Variants in FBXO8 observed in about 807,000 individuals in gnomAD.
FBXO8 encodes F-box only protein 8.
A neutral mutation model predicts 33.4 loss-of-function variants in FBXO8; 15 were observed. The observed-to-expected ratio is 0.45, with a 90% CI of 0.30 to 0.69. The LOEUF (loss-of-function observed/expected upper bound fraction) is 0.69. FBXO8 is among the 30% of genes least tolerant of loss of function. The pLI is 0.08. For synonymous variants in FBXO8, 132 were observed against 131.5 expected (o/e 1.00, Z -0.02); for missense variants, 274 against 380.3 (o/e 0.72, Z 2.32).
At position 174,278,097 on chromosome 4, in the gene FBXO8, A is replaced by G. The variant is rs1298112782; in HGVS notation, c.-9+5313T>C. Among the ~76,000 whole-genome samples, 1 of 152,128 alleles carries G rather than the reference A, an allele frequency of 6.6e-6. No individual in the cohort carries two copies. Among genetic ancestry groups the G allele is most frequent in the Non-Finnish European group, 1.5e-5 (1 of 67,974 alleles). On this transcript the variant is annotated intron_variant, in intron 1 of 5. Coordinates refer to ENST00000393674, the MANE Select transcript of FBXO8 (RefSeq NM_012180.3). This position sits in a 1 kb window ranked among gnomAD's most constrained non-coding sequence, Gnocchi z 4.1. ...GTAGAGAAATTTTTTAAAAAAGAAA[A>G]AAACCCTGATAACCAATCACATCCC... is the stretch of plus-strand genomic sequence containing the variant.
intron 5 of FBXO8, among the ~76,000 whole-genome samples, chr4:174,238,129 A>T (rs1283798447): frequency 6.6e-6 from 1 of 152,048 alleles, no homozygotes; most frequent in African/African-American, 2.4e-5. Context: ...AACTCAAAAG[A>T]TTATTAATAT....
rs551573068 is a variant in FBXO8 at position 174,265,878 on chromosome 4, A to C, written c.-8-2778T>G. Among the ~76,000 whole-genome samples the C allele has an allele frequency of 3.3e-5, 5 of 152,206 alleles. No individual in the cohort carries two copies. Among genetic ancestry groups the C allele is most frequent in the Non-Finnish European group, 7.3e-5 (5 of 68,036 alleles). ...TTCCTCTATTTAACTTAGCAAGAAA[A>C]TATCTAGAAATCACATTAATTGCTG... On this transcript the variant is annotated intron_variant, in intron 1 of 5. Transcript: ENST00000393674. The surrounding 1 kb of genome is among the most constrained non-coding windows in gnomAD (Gnocchi z 4.7).
chr4:174,250,200 T>C (rs1424071209), intron 3 of FBXO8, among the ~76,000 whole-genome samples: 3 of 151,978 alleles, frequency 2.0e-5, no homozygotes, highest in African/African-American at 7.2e-5. Flanking sequence ...AATAACTTGC[T>C]CAGAGCCAAC....
In FBXO8 at chr4:174,272,444, T is replaced by A. The variant is rs1175492649; in HGVS notation, c.-8-9344A>T. ...TATTGTTGTACTGTTACTTTCTATTTTTTTCCAAATAGTTTCAATTGTGGT... is the reference window on the plus strand; with the variant it reads ...TATTGTTGTACTGTTACTTTCTATTATTTTCCAAATAGTTTCAATTGTGGT... On this transcript the variant is annotated intron_variant, in intron 1 of 5. Coordinates refer to ENST00000393674, the MANE Select transcript of FBXO8 (RefSeq NM_012180.3). This position sits in a 1 kb window ranked among gnomAD's most constrained non-coding sequence, Gnocchi z 4.7. 6.6e-6 allele frequency among the ~76,000 whole-genome samples: 1 copy of A among 152,218 alleles called. No individual in the cohort carries two copies. Among genetic ancestry groups the A allele is most frequent in the African/African-American group, 2.4e-5 (1 of 41,448 alleles).
rs150561690 is a variant in FBXO8, at chr4:174,252,893, C to T, written c.456+6806G>A. Among the ~76,000 whole-genome samples the T allele has an allele frequency of 2.8e-4, 42 of 152,196 alleles. 1 individual carries two copies. Among genetic ancestry groups the T allele is most frequent in the African/African-American group, 9.4e-4 (39 of 41,518 alleles). Reference sequence around the variant, plus strand: ...GGCTGAGGCACAAGAATTACCTGAGCCCGGGAGGTGGTGATTGCAGTGAGC... The same window carrying T: ...GGCTGAGGCACAAGAATTACCTGAGTCCGGGAGGTGGTGATTGCAGTGAGC... On this transcript the variant is annotated intron_variant, in intron 3 of 5. Transcript: ENST00000393674. This position sits in a 1 kb window ranked among gnomAD's most constrained non-coding sequence, Gnocchi z 5.1.
In FBXO8 at chr4:174,245,603, T is replaced by A. The variant is rs1448372245; in HGVS notation, c.457-4385A>T. On this transcript the variant is annotated intron_variant, in intron 3 of 5. Transcript: ENST00000393674. This position sits in a 1 kb window ranked among gnomAD's most constrained non-coding sequence, Gnocchi z 4.6. ...GTTTATTCTCTATCCTAAATCTAAC[T>A]GGAAGCCTCTGAAGGCTTTTAAACC... 6.6e-6 allele frequency among the ~76,000 whole-genome samples: 1 copy of A among 151,896 alleles called. No individual in the cohort carries two copies. Among genetic ancestry groups the A allele is most frequent in the African/African-American group, 2.4e-5 (1 of 41,398 alleles).
At position 174,245,747 on chromosome 4, in the gene FBXO8, T is replaced by C. The variant is rs1171315394; in HGVS notation, c.457-4529A>G. ...CACTTAAAAAATAAAAATAAATAGA[T>C]AGCGGGCTATACAACTGTATATGTT... On this transcript the variant is annotated intron_variant, in intron 3 of 5. Coordinates refer to ENST00000393674, the MANE Select transcript of FBXO8 (RefSeq NM_012180.3). This position sits in a 1 kb window ranked among gnomAD's most constrained non-coding sequence, Gnocchi z 4.6. 1.3e-5 allele frequency among the ~76,000 whole-genome samples: 2 copies of C among 151,740 alleles called. No individual in the cohort carries two copies. The highest frequency in any genetic ancestry group is 6.6e-5 in the Admixed American group (1 of 15,190).
At position 174,239,200 on chromosome 4, in the gene FBXO8, G is replaced by GA; in HGVS notation, c.576-11dup. Reference sequence around the variant, plus strand: ...ATCCAAGACATCTCTCCTACAGAAAGAAAAAAAGGCACAGCTTTGGTTAAC... The same window carrying GA: ...ATCCAAGACATCTCTCCTACAGAAAGAAAAAAAAGGCACAGCTTTGGTTAAC... On this transcript the variant is annotated splice_polypyrimidine_tract_variant and intron_variant, in intron 4 of 5. Transcript: ENST00000393674. 3.4e-6 allele frequency: 5 copies of GA among 1,478,862 alleles called. No homozygotes were observed. In the South Asian group the frequency reaches 4.3e-5, roughly 13 times the overall value. The allele number at this position is 1,478,862 out of a possible 1,614,324, so 91.6% of individuals were successfully genotyped here. A position where few individuals can be genotyped will look rare whatever the true frequency, so the allele number is the denominator to read the frequency against.
rs1736810259 is a variant in FBXO8, at chr4:174,270,390, T to A, written c.-8-7290A>T. Among the ~76,000 whole-genome samples, 1 of 152,124 alleles carries A rather than the reference T, an allele frequency of 6.6e-6. No homozygotes were observed. The highest frequency in any genetic ancestry group is 1.9e-4 in the East Asian group (1 of 5,196). On this transcript the variant is annotated intron_variant, in intron 1 of 5. Transcript: ENST00000393674. This position sits in a 1 kb window ranked among gnomAD's most constrained non-coding sequence, Gnocchi z 4.6. ...AGAGGTATTTATCTAGAAGACTGCATAAAGTTTCCTACTTAGCTAAAGGTC... is the reference window on the plus strand; with the variant it reads ...AGAGGTATTTATCTAGAAGACTGCAAAAAGTTTCCTACTTAGCTAAAGGTC...
At chr4:174,238,741 C>T (rs1560863844) in intron 5 of FBXO8, among the ~76,000 whole-genome samples, 1 of 141,140 alleles carries the variant, frequency 7.1e-6, no homozygotes, top group Non-Finnish European at 1.5e-5. Context: ...ATATAAATGG[C>T]TATATATACA....
At chr4:174,238,302 T>C (rs1027942849) in intron 5 of FBXO8, among the ~76,000 whole-genome samples, 3 of 151,948 alleles carry the variant, frequency 2.0e-5, no homozygotes, top group Non-Finnish European at 4.4e-5. Flanking sequence ...ATCGTCATAA[T>C]AGTTCTACTA....
In FBXO8 at chr4:174,263,087, ACCC is replaced by A. The variant is rs1736611451; in HGVS notation, c.3_5del (p.MetGly1_?2). ...TTCTGACCACTCTCCACAACCCTTGACCCATCTGCAAGCCTGGGAAAAAGCCAG... is the reference window on the plus strand; with the variant it reads ...TTCTGACCACTCTCCACAACCCTTGAATCTGCAAGCCTGGGAAAAAGCCAG... On this transcript the variant is annotated start_lost and inframe_deletion, in exon 2 of 6. Coordinates refer to ENST00000393674, the MANE Select transcript of FBXO8 (RefSeq NM_012180.3). The surrounding 1 kb of genome is among the most constrained non-coding windows in gnomAD (Gnocchi z 4.2). 1 of 1,611,202 alleles carries A rather than the reference ACCC, an allele frequency of 6.2e-7. No homozygotes were observed. Among genetic ancestry groups the A allele is most frequent in the Non-Finnish European group, 8.5e-7 (1 of 1,177,900 alleles).
intron 3 of FBXO8, among the ~76,000 whole-genome samples, chr4:174,248,482 A>G (rs1736210683): frequency 6.6e-6 from 1 of 152,036 alleles, no homozygotes; most frequent in South Asian, 2.1e-4. Context: ...AGAAATGTAA[A>G]GATAGTTTTG....
At chr4:174,271,234 G>A (rs1361577777) in intron 1 of FBXO8, among the ~76,000 whole-genome samples, 3 of 152,200 alleles carry the variant, frequency 2.0e-5, no homozygotes, top group Admixed American at 2.0e-4. Context: ...ATGAAGCCAT[G>A]TAGAGAAAGA....
chr4:174,244,676 A>C (rs1196609804), intron 3 of FBXO8, among the ~76,000 whole-genome samples: 2 of 151,686 alleles, frequency 1.3e-5, no homozygotes, highest in Non-Finnish European at 3.0e-5. Context: ...ATCATGATTA[A>C]TCTCAGATAC....
At chr4:174,269,892 C>T (rs563187722) in intron 1 of FBXO8, among the ~76,000 whole-genome samples, 36 of 152,260 alleles carry the variant, frequency 2.4e-4, no homozygotes, top group African/African-American at 8.4e-4. Context: ...TGAAATTATG[C>T]AAATATAACT....
At chr4:174,279,481 T>G (rs1017642502) in intron 1 of FBXO8, among the ~76,000 whole-genome samples, 15 of 152,106 alleles carry the variant, frequency 9.9e-5, no homozygotes, top group Admixed American at 9.8e-4. Flanking sequence ...ATAATGACGT[T>G]TTTTGCATTA....
intron 1 of FBXO8, among the ~76,000 whole-genome samples, chr4:174,268,739 G>T (rs963568208): frequency 6.6e-6 from 1 of 151,984 alleles, no homozygotes; most frequent in African/African-American, 2.4e-5. Context: ...CCCGGCCGGG[G>T]GCCGTTTTAA....
In FBXO8 at chr4:174,251,153, T is replaced by C. The variant is rs1736276807; in HGVS notation, c.456+8546A>G. 6.6e-6 allele frequency among the ~76,000 whole-genome samples: 1 copy of C among 152,168 alleles called. No homozygotes were observed. On this transcript the variant is annotated intron_variant, in intron 3 of 5. Coordinates refer to ENST00000393674, the MANE Select transcript of FBXO8 (RefSeq NM_012180.3). This position sits in a 1 kb window ranked among gnomAD's most constrained non-coding sequence, Gnocchi z 4.2. Reference sequence around the variant, plus strand: ...TTTTAATATTAAAAATTTAAAAATGTATCCTAGGATGAAGACATTTTCCAC... The same window carrying C: ...TTTTAATATTAAAAATTTAAAAATGCATCCTAGGATGAAGACATTTTCCAC...
Sources: gnomAD v4.1 joint callset for allele counts (sites outside exome capture counted in the v4.1 genomes callset) on GRCh38, gnomAD v4.1.1 for gene constraint, Gnocchi (gnomAD v3.1) non-coding constraint, MANE v1.5 for transcripts, NCBI Gene and HGNC (gene_info 2026-07-23, HGNC 2026-07-21) for gene names.